Variants in PHACTR2 observed in about 807,000 individuals in gnomAD.
PHACTR2 encodes the protein chromosome 6 open reading frame 56.
PHACTR2 carries 30 observed loss-of-function variants against 76.0 expected under a neutral mutation model. The observed-to-expected ratio is 0.39, with a 90% CI of 0.30 to 0.54. The LOEUF is 0.54. PHACTR2 is among the 20% of genes least tolerant of loss of function. PHACTR2 has a pLI of 0.61. For missense variants in PHACTR2, 696 were observed against 781.1 expected (o/e 0.89, Z 1.30); for synonymous variants, 292 against 292.5 (o/e 1.00, Z 0.02).
rs539301597 is a variant in PHACTR2, at chr6:143,814,186, T to C, written c.1922+7053T>C. Among the ~76,000 whole-genome samples, 13 of 152,224 alleles carry C rather than the reference T, an allele frequency of 8.5e-5. No individual in the cohort carries two copies. In the South Asian group the frequency reaches 2.7e-3, roughly 32 times the overall value. ...GCTTGGCCAACATGGAGAATCCCTG[T>C]CTCTACTAACAATACAAAAATTAGC... is the stretch of plus-strand genomic sequence containing the variant. On this transcript the variant is annotated intron_variant, in intron 12 of 12. Coordinates refer to ENST00000440869, the MANE Select transcript of PHACTR2 (RefSeq NM_001100164.2).
chr6:143,765,796 A>G lies in PHACTR2; in HGVS notation c.1230A>G (p.Lys410=), dbSNP rs967633962. ...TGLSVNRENA[K]CFTTKEELGK... Reference sequence around the variant, plus strand: ...TAAGTGTTAACAGAGAAAATGCAAAATGGTGAGTTGGGGAACAAACCCCCT... The same window carrying G: ...TAAGTGTTAACAGAGAAAATGCAAAGTGGTGAGTTGGGGAACAAACCCCCT... The change falls in exon 6 of 13, where the codon AAA becomes AAG. Residue 410 remains lysine, a splice_region_variant and synonymous_variant. Transcript: ENST00000440869. This position sits in a 1 kb window ranked among gnomAD's most constrained non-coding sequence, Gnocchi z 4.1. The G allele has an allele frequency of 2.5e-6, 4 of 1,604,902 alleles. No homozygotes were observed. Among genetic ancestry groups the G allele is most frequent in the Non-Finnish European group, 3.4e-6 (4 of 1,172,754 alleles).
intron 1 of PHACTR2, among the ~76,000 whole-genome samples, chr6:143,701,733 A>C (rs1777916246): frequency 6.6e-6 from 1 of 152,208 alleles, no homozygotes; most frequent in African/African-American, 2.4e-5. Flanking sequence ...GGGAATACTA[A>C]TAGCAACTAC....
At chr6:143,723,751 C>T (rs1778494865) in intron 2 of PHACTR2, among the ~76,000 whole-genome samples, 1 of 151,910 alleles carries the variant, frequency 6.6e-6, no homozygotes, top group Non-Finnish European at 1.5e-5. Context: ...TGGTACACCA[C>T]CCTTCTCTAT....
chr6:143,659,983 T>G lies in PHACTR2; in HGVS notation c.13+51661T>G, dbSNP rs887763789. On this transcript the variant is annotated intron_variant, in intron 1 of 11. Coordinates refer to the PHACTR2 transcript ENST00000305766. The surrounding 1 kb of genome is among the most constrained non-coding windows in gnomAD (Gnocchi z 5.0). The stretch of plus-strand genomic sequence containing the variant: ...TAAAAACTTAAATGTATGTATTTAG[T>G]AGGTACATATTAAATGTCATTATGG... Among the ~76,000 whole-genome samples, 4 of 152,172 alleles carry G rather than the reference T, an allele frequency of 2.6e-5. No individual in the cohort carries two copies. The highest frequency in any genetic ancestry group is 5.9e-5 in the Non-Finnish European group (4 of 68,036).
chr6:143,601,417 C>T (rs1775813518), intron 1 of PHACTR2, among the ~76,000 whole-genome samples: 1 of 152,188 alleles, frequency 6.6e-6, no homozygotes, highest in South Asian at 2.1e-4. Flanking sequence ...TGTTGAGCCT[C>T]CTTCTCAGAG....
intron 1 of PHACTR2, among the ~76,000 whole-genome samples, chr6:143,565,393 C>T (rs969641999): frequency 2.6e-5 from 4 of 152,050 alleles, no homozygotes; most frequent in Admixed American, 6.6e-5. Context: ...CCAAGGTGGG[C>T]GGATCACGAG....
At chr6:143,717,979 A>G (rs1478442077) in intron 2 of PHACTR2, among the ~76,000 whole-genome samples, 1 of 152,224 alleles carries the variant, frequency 6.6e-6, no homozygotes, top group Admixed American at 6.5e-5. Flanking sequence ...CACTGTTAAG[A>G]AGCCAATAAA....
chr6:143,685,617 C>A (rs1444427937), intron 1 of PHACTR2, among the ~76,000 whole-genome samples: 1 of 150,090 alleles, frequency 6.7e-6, no homozygotes, highest in East Asian at 1.9e-4. Flanking sequence ...AAGAAACTTG[C>A]CTATGTTACC....
intron 1 of PHACTR2, 144 bp from the exon 2 acceptor site, chr6:143,711,872 T>A (rs766097925): frequency 3.8e-6 from 3 of 793,398 alleles, no homozygotes; most frequent in African/African-American, 3.4e-5. Flanking sequence ...TCCTACCAGC[T>A]GTGAAATGGG....
chr6:143,804,663 T>C (rs960909598), intron 11 of PHACTR2, among the ~76,000 whole-genome samples: 5 of 152,354 alleles, frequency 3.3e-5, no homozygotes, highest in African/African-American at 1.2e-4. Context: ...GTTTTGTAAA[T>C]TCCATATCTC....
In PHACTR2 at chr6:143,774,002, G is replaced by T; in HGVS notation, c.1433-57G>T. On this transcript the variant is annotated intron_variant, in intron 7 of 12. Transcript: ENST00000440869. The surrounding 1 kb of genome is among the most constrained non-coding windows in gnomAD (Gnocchi z 5.4). ...TTAAAGTCCATGCCATGTGTAACCT[G>T]AGTGCCACTGGCTAAAAGCCTCTCT... The T allele has an allele frequency of 6.6e-7, 1 of 1,514,802 alleles. No individual in the cohort carries two copies. Among genetic ancestry groups the T allele is most frequent in the Non-Finnish European group, 9.1e-7 (1 of 1,102,024 alleles). The allele number at this position is 1,514,802 out of a possible 1,614,324, so 93.8% of individuals were successfully genotyped here.
chr6:143,673,515 T>C (rs933192814), upstream of PHACTR2, among the ~76,000 whole-genome samples: 3 of 152,200 alleles, frequency 2.0e-5, no homozygotes, highest in East Asian at 5.8e-4. Flanking sequence ...TTTGTGTAAA[T>C]TGGGCAGTCA....
chr6:143,789,037 C>T lies in PHACTR2; in HGVS notation c.1845+127C>T, dbSNP rs1221921617. On this transcript the variant is annotated intron_variant, in intron 11 of 12. Coordinates refer to ENST00000440869, the MANE Select transcript of PHACTR2 (RefSeq NM_001100164.2). The surrounding 1 kb of genome is among the most constrained non-coding windows in gnomAD (Gnocchi z 5.1). ...CAAATATTACAACAGTTTTCTGCCTCTGATTATTTAAGCCACTTAAGTGAT... is the reference window on the plus strand; with the variant it reads ...CAAATATTACAACAGTTTTCTGCCTTTGATTATTTAAGCCACTTAAGTGAT... 2 of 770,454 alleles carry T rather than the reference C, an allele frequency of 2.6e-6. No individual in the cohort carries two copies. The highest frequency in any genetic ancestry group is 2.7e-5 in the East Asian group (1 of 37,468). The allele number at this position is 770,454 out of a possible 1,614,324, so 47.7% of individuals were successfully genotyped here.
chr6:143,632,346 A>G (rs1776376270), intron 1 of PHACTR2, among the ~76,000 whole-genome samples: 1 of 152,254 alleles, frequency 6.6e-6, no homozygotes, highest in Non-Finnish European at 1.5e-5. Context: ...TTTTAAAGAA[A>G]CTATTTAGAT....
At chr6:143,601,856 T>G (rs981666873) in intron 1 of PHACTR2, among the ~76,000 whole-genome samples, 3 of 152,114 alleles carry the variant, frequency 2.0e-5, no homozygotes, top group Non-Finnish European at 4.4e-5. Context: ...AAGGTCTTTT[T>G]TGTTTGTTTG....
At chr6:143,721,285 G>A (rs1778437254) in intron 2 of PHACTR2, among the ~76,000 whole-genome samples, 1 of 152,090 alleles carries the variant, frequency 6.6e-6, no homozygotes, top group South Asian at 2.1e-4. Flanking sequence ...TAGATTATTT[G>A]GAATTATGGG....
At chr6:143,756,431 C>T (rs1176390776) in intron 4 of PHACTR2, among the ~76,000 whole-genome samples, 1 of 152,168 alleles carries the variant, frequency 6.6e-6, no homozygotes, top group African/African-American at 2.4e-5. Context: ...CGCCGTGGCT[C>T]ACGCCTGTAA....
rs1775430398 is a variant in PHACTR2 at position 143,570,150 on chromosome 6, A to G, written c.217+32943A>G. Among the ~76,000 whole-genome samples the G allele has an allele frequency of 6.6e-6, 1 of 152,236 alleles. No individual in the cohort carries two copies. The highest frequency in any genetic ancestry group is 1.5e-5 in the Non-Finnish European group (1 of 68,036). On this transcript the variant is annotated intron_variant, in intron 1 of 11. Transcript: ENST00000367584. This position sits in a 1 kb window ranked among gnomAD's most constrained non-coding sequence, Gnocchi z 4.6. ...TTTCCCTTAAGTGTGTTAGGCTCAA[A>G]TCAGATTTAACCAAAGATCAGCATT...
chr6:143,783,088 C>G lies in PHACTR2; in HGVS notation c.1646-131C>G. On this transcript the variant is annotated intron_variant, in intron 9 of 12. Transcript: ENST00000440869. This position sits in a 1 kb window ranked among gnomAD's most constrained non-coding sequence, Gnocchi z 5.2. ...ACCTTCCTACAAAATATTTTGACAA[C>G]TTTTTAACAATGTTGGTTGTGTGTT... 1.9e-6 allele frequency: 1 copy of G among 514,924 alleles called. No homozygotes were observed. Among genetic ancestry groups the G allele is most frequent in the Non-Finnish European group, 3.7e-6 (1 of 273,406 alleles). The allele number at this position is 514,924 out of a possible 1,614,324, so 31.9% of individuals were successfully genotyped here.
Sources: gnomAD v4.1 joint callset for allele counts (sites outside exome capture counted in the v4.1 genomes callset) on GRCh38, gnomAD v4.1.1 for gene constraint, Gnocchi (gnomAD v3.1) non-coding constraint, MANE v1.5 for transcripts, NCBI Gene and HGNC (gene_info 2026-07-23, HGNC 2026-07-21) for gene names.